The following PDZD9 variants were observed in gnomAD, a reference collection of about 807,000 sequenced individuals.
The protein encoded by PDZD9 is PDZ domain-containing protein 9.
PDZD9 carries 13 observed loss-of-function variants against 16.3 expected under a neutral mutation model. The ratio of observed to expected loss-of-function variants is 0.80; its 90% CI spans 0.52 to 1.27. The LOEUF (loss-of-function observed/expected upper bound fraction) is 1.27, where lower values mean the gene tolerates loss of function less well. Among genes scored for constraint, PDZD9 ranks in the 50% most tolerant of loss-of-function variants. PDZD9 has a pLI of 0.00. For synonymous variants in PDZD9, 120 were observed against 111.0 expected (o/e 1.08, Z -0.51); for missense variants, 288 against 310.9 (o/e 0.93, Z 0.55).
At chr16:21,960,933 C>T in the PDZD9 span, among the ~76,000 whole-genome samples, 2 of 152,022 alleles carry the variant, frequency 1.3e-5, no homozygotes, top group African/African-American at 4.8e-5. Flanking sequence ...TGGGCCCAAG[C>T]GATTCTTCTC....
the PDZD9 span, chr16:21,976,226 A>C: frequency 6.2e-7 from 1 of 1,613,864 alleles, no homozygotes; most frequent in Non-Finnish European, 8.5e-7. Flanking sequence ...TTTCCAACAC[A>C]GATGTCCAAG....
At chr16:21,976,867 A>C in the PDZD9 span, 2 of 152,218 alleles carry the variant, frequency 1.3e-5, no homozygotes, top group African/African-American at 4.8e-5. Flanking sequence ...GATTCAAATT[A>C]CTAAAAATTT....
At chr16:21,973,428 A>C in the PDZD9 span, among the ~76,000 whole-genome samples, 2 of 152,224 alleles carry the variant, frequency 1.3e-5, no homozygotes, top group Non-Finnish European at 1.5e-5. Context: ...AACTCTTGAT[A>C]GCTTGGACAT....
chr16:21,990,442 C>A (rs1030867833), intron 2 of PDZD9, among the ~76,000 whole-genome samples: 2 of 152,174 alleles, frequency 1.3e-5, no homozygotes, highest in Non-Finnish European at 2.9e-5. Context: ...AGCTCTAGAT[C>A]CTATCAGAAA....
chr16:21,973,937 T>G, the PDZD9 span: 1 of 1,612,764 alleles, frequency 6.2e-7, no homozygotes, highest in Non-Finnish European at 8.5e-7. Context: ...CTGGACTCTT[T>G]GGGATTTATA....
chr16:21,984,558 C>T lies in PDZD9; in HGVS notation c.504G>A (p.Pro168=), dbSNP rs374214571. The change falls in exon 4 of 4, where the codon CCG becomes CCA. Residue 168 remains proline (P), a synonymous_variant. Coordinates refer to ENST00000424898, the MANE Select transcript of PDZD9 (RefSeq NM_001363519.1). The part of the protein sequence containing the change: ...LDKRLQYYRY[P]WSTVHHPARR... ...TTGCAGGGTGATGCACAGTTGACCACGGATATCTATAATATTGAAGTCTTT... is the reference window on the plus strand; with the variant it reads ...TTGCAGGGTGATGCACAGTTGACCATGGATATCTATAATATTGAAGTCTTT... The T allele has an allele frequency of 1.1e-5, 18 of 1,590,846 alleles. No individual in the cohort carries two copies. The highest frequency in any genetic ancestry group is 1.7e-4 in the Middle Eastern group (1 of 6,020).
At chr16:21,988,043 CTA>C (rs1276589274) in intron 3 of PDZD9, among the ~76,000 whole-genome samples, 18 of 131,374 alleles carry the variant, frequency 1.4e-4, no homozygotes, top group African/African-American at 5.1e-4. Context: ...AAGTCTCGCT[CTA>C]TCTCCAGGCT....
At chr16:21,976,199 A>C in the PDZD9 span, 1 of 1,613,958 alleles carries the variant, frequency 6.2e-7, no homozygotes, top group African/African-American at 1.3e-5. Flanking sequence ...AAGTAAAAAC[A>C]ATAGCTCAAG....
intron 1 of PDZD9, chr16:21,999,547 G>A (rs973048299): frequency 2.0e-5 from 3 of 152,270 alleles, no homozygotes; most frequent in African/African-American, 7.2e-5. Flanking sequence ...AAAAGCCTAA[G>A]GCTGTCTGGC....
At chr16:21,992,690 G>T (rs1165960996) in intron 2 of PDZD9, among the ~76,000 whole-genome samples, 2 of 152,080 alleles carry the variant, frequency 1.3e-5, no homozygotes, top group Non-Finnish European at 2.9e-5. Flanking sequence ...GTTTTGCCAG[G>T]GTTTCTCAGG....
the PDZD9 span, chr16:21,971,997 G>T: frequency 1.9e-6 from 3 of 1,614,144 alleles, no homozygotes; most frequent in Non-Finnish European, 2.5e-6. Flanking sequence ...CGCGGGAAGT[G>T]CAGAGGCAAA....
chr16:21,962,841 A>G, the PDZD9 span: 1 of 1,614,144 alleles, frequency 6.2e-7, no homozygotes, highest in Non-Finnish European at 8.5e-7. Context: ...CTTCAGCCTC[A>G]GCTAAAGATT....
At position 21,984,383 on chromosome 16, in the gene PDZD9, T is replaced by C; in HGVS notation, c.679A>G (p.Lys227Glu). The change falls in exon 4 of 4, where the codon AAG becomes GAG. Residue 227 changes from lysine to glutamate, a missense_variant. Lys to Glu is a moderately conservative substitution (Grantham distance 56, BLOSUM62 1). Coordinates refer to ENST00000424898, the MANE Select transcript of PDZD9 (RefSeq NM_001363519.1). ...RAPSPYWIMV[K>E]QDNESSSSST... is the part of the protein sequence containing the mutation. ...GAGGAAGAGCTTTCATTGTCTTGCT[T>C]CACCATTATCCAGTATGGAGAAGGG... 2 of 1,614,166 alleles carry C rather than the reference T, an allele frequency of 1.2e-6. No homozygotes were observed. The highest frequency in any genetic ancestry group is 2.2e-5 in the South Asian group (2 of 91,078).
intron 2 of PDZD9, among the ~76,000 whole-genome samples, chr16:21,989,565 TTAAACA>T (rs1370067075): frequency 1.3e-5 from 2 of 152,206 alleles, no homozygotes; most frequent in African/African-American, 4.8e-5. Context: ...ATAGACCATA[TTAAACA>T]TAAAGCCTTT....
downstream of PDZD9, chr16:21,980,739 CTT>C (rs1173416742): frequency 6.2e-7 from 1 of 1,606,686 alleles, no homozygotes; most frequent in Admixed American, 1.7e-5. Flanking sequence ...CAACAGAGAA[CTT>C]AACCTTAATG....
intron 2 of PDZD9, among the ~76,000 whole-genome samples, chr16:21,993,783 A>G (rs1359723591): frequency 6.6e-6 from 1 of 152,166 alleles, no homozygotes; most frequent in Non-Finnish European, 1.5e-5. Flanking sequence ...CACACATGCA[A>G]AAGTCTAGAG....
downstream of PDZD9, chr16:21,980,775 A>T: frequency 6.5e-7 from 1 of 1,529,990 alleles, no homozygotes; most frequent in Non-Finnish European, 8.9e-7. Flanking sequence ...AGGATGCATA[A>T]GCGTCCTTGG....
intron 3 of PDZD9, among the ~76,000 whole-genome samples, chr16:21,985,289 AATTTTTATTT>A (rs1009042494): frequency 6.6e-6 from 1 of 151,964 alleles, no homozygotes; most frequent in Non-Finnish European, 1.5e-5. Flanking sequence ...GCACCTGGCT[AATTTTTATTT>A]ATTTTTATTT....
At position 22,001,109 on chromosome 16, in the gene PDZD9, A is replaced by G. The variant is rs1402230917; in HGVS notation, c.-62T>C. 3 of 1,410,906 alleles carry G rather than the reference A, an allele frequency of 2.1e-6. No homozygotes were observed. The highest frequency in any genetic ancestry group is 2.8e-6 in the Non-Finnish European group (3 of 1,069,756). The allele number at this position is 1,410,906 out of a possible 1,614,324, so 87.4% of individuals were successfully genotyped here. On this transcript the variant is annotated 5_prime_UTR_variant, in exon 1 of 4. Coordinates refer to ENST00000424898, the MANE Select transcript of PDZD9 (RefSeq NM_001363519.1). Reference sequence around the variant, plus strand: ...GGAGCAGAGGCTGGAGTCAGTCCCAATGCCAACAGTTTCGAACCTTGCCCG... The same window carrying G: ...GGAGCAGAGGCTGGAGTCAGTCCCAGTGCCAACAGTTTCGAACCTTGCCCG...
Sources: gnomAD v4.1 joint callset for allele counts (sites outside exome capture counted in the v4.1 genomes callset) on GRCh38, gnomAD v4.1.1 for gene constraint, MANE v1.5 for transcripts, NCBI Gene and HGNC (gene_info 2026-07-23, HGNC 2026-07-21) for gene names.